The following PGM5 variants were observed in gnomAD, a reference collection of about 807,000 sequenced individuals.
The protein encoded by PGM5 is phosphoglucomutase 5.
A neutral mutation model predicts 59.2 loss-of-function variants in PGM5; 23 were observed. The ratio of observed to expected loss-of-function variants is 0.39; its 90% CI spans 0.28 to 0.55. The LOEUF is 0.55. PGM5 is among the 20% of genes least tolerant of loss of function. PGM5 has a pLI of 0.66. For synonymous variants in PGM5, 214 were observed against 286.0 expected (o/e 0.75, Z 2.54); for missense variants, 574 against 748.3 (o/e 0.77, Z 2.72).
intron 2 of PGM5, among the ~76,000 whole-genome samples, chr9:68,381,640 G>GCACA (rs4014841): frequency 0.096 from 13,921 of 145,182 alleles, 662 homozygotes; most frequent in Middle Eastern, 0.2. Flanking sequence ...TTCTACACAT[G>GCACA]CACACACACA....
chr9:68,432,630 G>A (rs55668809), intron 6 of PGM5, among the ~76,000 whole-genome samples: 32,820 of 150,238 alleles, frequency 0.22, 3,916 homozygotes, highest in Middle Eastern at 0.29. Context: ...TTTTGAGACA[G>A]TATCTCACTC....
intron 9 of PGM5, among the ~76,000 whole-genome samples, chr9:68,488,080 A>T (rs935955251): frequency 3.9e-5 from 6 of 152,210 alleles, no homozygotes; most frequent in South Asian, 2.1e-4. Context: ...TTTATGTTTT[A>T]AAAAAAGCAT....
At chr9:68,433,713 C>G (rs78504597) in intron 6 of PGM5, among the ~76,000 whole-genome samples, 1 of 152,132 alleles carries the variant, frequency 6.6e-6, no homozygotes, top group African/African-American at 2.4e-5. Flanking sequence ...TAATCAAGTT[C>G]CAAGTCAGAT....
chr9:68,479,498 G>A lies in PGM5; in HGVS notation c.1240G>A (p.Val414Met), dbSNP rs782590911. 1 of 1,614,104 alleles carries A rather than the reference G, an allele frequency of 6.2e-7. No homozygotes were observed. The highest frequency in any genetic ancestry group is 8.5e-7 in the Non-Finnish European group (1 of 1,179,994). ...CATTATTGCTGCCCGGAAGCAGAGT[G>A]TGGAGGAAATTGTCCGAGATCACTG... Reference protein sequence around the residue: ...LSIIAARKQSVEEIVRDHWAK... With the variant: ...LSIIAARKQSMEEIVRDHWAK... Residue 414 changes from valine to methionine, a missense_variant, in exon 8 of 11, where the codon GTG (valine) becomes ATG (methionine). Physicochemically the swap from Val to Met is conservative, Grantham distance 21. Transcript: ENST00000396396.
At chr9:68,445,658 C>CTTGTGAGT (rs1554683962) in intron 6 of PGM5, among the ~76,000 whole-genome samples, 4 of 152,206 alleles carry the variant, frequency 2.6e-5, no homozygotes, top group African/African-American at 9.6e-5. Context: ...CTGTGAGTAC[C>CTTGTGAGT]TTGTGAGTTT....
chr9:68,511,885 C>A (rs1437984249), intron 10 of PGM5, among the ~76,000 whole-genome samples: 3 of 152,072 alleles, frequency 2.0e-5, no homozygotes, highest in Non-Finnish European at 4.4e-5. Flanking sequence ...TCTCAGAGAC[C>A]AAACTGGATC....
chr9:68,442,938 T>C (rs1823551631), intron 6 of PGM5, among the ~76,000 whole-genome samples: 1 of 152,188 alleles, frequency 6.6e-6, no homozygotes, highest in African/African-American at 2.4e-5. Flanking sequence ...TCTAGAGCTG[T>C]CATATAGTAC....
chr9:68,482,987 C>CA (rs1157586897), intron 8 of PGM5, among the ~76,000 whole-genome samples: 1 of 152,182 alleles, frequency 6.6e-6, no homozygotes, highest in Non-Finnish European at 1.5e-5. Flanking sequence ...TTGAATGGAA[C>CA]AATTGTGATA....
At chr9:68,382,394 A>C (rs1285982935) in intron 2 of PGM5, among the ~76,000 whole-genome samples, 2 of 151,836 alleles carry the variant, frequency 1.3e-5, no homozygotes, top group African/African-American at 2.4e-5. Flanking sequence ...TAAGATCTGA[A>C]ACCATAAAAA....
chr9:68,499,930 A>G (rs996724475), intron 10 of PGM5, among the ~76,000 whole-genome samples: 1 of 152,218 alleles, frequency 6.6e-6, no homozygotes, highest in Non-Finnish European at 1.5e-5. Context: ...AAGAACTCAG[A>G]AAAATCATAA....
At position 68,466,279 on chromosome 9, in the gene PGM5, T is replaced by A. The variant is rs868981352; in HGVS notation, c.1159+1071T>A. The A allele has an allele frequency of 3.5e-4, 346 of 991,222 alleles. 2 individuals carry two copies. In the African/African-American group the frequency reaches 5.4e-3, roughly 16 times the overall value. The allele number at this position is 991,222 out of a possible 1,614,324, so 61.4% of individuals were successfully genotyped here. A position where few individuals can be genotyped will look rare whatever the true frequency, so the allele number is the denominator to read the frequency against. On this transcript the variant is annotated intron_variant, in intron 7 of 10. Coordinates refer to ENST00000396396, the MANE Select transcript of PGM5 (RefSeq NM_021965.4). ...TTCTCCGATACTGTGTGTTTTTTTTTTTTTTTTAGCATTTCTCTTTGACTC... is the reference window on the plus strand; with the variant it reads ...TTCTCCGATACTGTGTGTTTTTTTTATTTTTTTAGCATTTCTCTTTGACTC...
chr9:68,406,405 G>A (rs1554681131), intron 6 of PGM5: 1 of 149,830 alleles, frequency 6.7e-6, no homozygotes, highest in Admixed American at 6.7e-5. Flanking sequence ...GGGGGTGAGG[G>A]GGCTGAGCAT....
intron 9 of PGM5, among the ~76,000 whole-genome samples, chr9:68,484,832 C>T (rs1472872576): frequency 6.6e-6 from 1 of 152,124 alleles, no homozygotes; most frequent in Non-Finnish European, 1.5e-5. Context: ...ATTGTAAAGT[C>T]AGGAGCTCAG....
chr9:68,421,407 A>C (rs976172490), intron 6 of PGM5, among the ~76,000 whole-genome samples: 4 of 151,994 alleles, frequency 2.6e-5, no homozygotes, highest in African/African-American at 9.7e-5. Context: ...CTCCATATTA[A>C]ATTCCTTCTG....
In PGM5 at chr9:68,483,904, T is replaced by C; in HGVS notation, c.1335T>C (p.Tyr445=). Residue 445 remains tyrosine, a synonymous_variant, in exon 9 of 11, where the codon TAT becomes TAC. Coordinates refer to ENST00000396396, the MANE Select transcript of PGM5 (RefSeq NM_021965.4). The part of the protein sequence containing the change: ...YEGLDPKTTY[Y]IMRDLEALVT... Reference sequence around the variant, plus strand: ...GGTTGGATCCCAAGACGACATATTATATCATGAGGGACCTGGAGGCCCTGG... The same window carrying C: ...GGTTGGATCCCAAGACGACATATTACATCATGAGGGACCTGGAGGCCCTGG... 6.2e-7 allele frequency: 1 copy of C among 1,614,144 alleles called. No homozygotes were observed. Among genetic ancestry groups the C allele is most frequent in the Non-Finnish European group, 8.5e-7 (1 of 1,179,990 alleles).
intron 1 of PGM5, among the ~76,000 whole-genome samples, chr9:68,358,176 C>T (rs1287536544): frequency 9.9e-5 from 15 of 152,258 alleles, no homozygotes; most frequent in African/African-American, 3.4e-4. Context: ...TAATGCAATT[C>T]CCAACTTCTC....
At chr9:68,364,686 T>C (rs1160245374) in intron 1 of PGM5, among the ~76,000 whole-genome samples, 69 of 152,158 alleles carry the variant, frequency 4.5e-4, no homozygotes, top group Non-Finnish European at 8.5e-4. Flanking sequence ...ATCTATTATG[T>C]GAGCAATAGC....
chr9:68,393,862 A>T (rs1405300792), intron 6 of PGM5: 3 of 152,166 alleles, frequency 2.0e-5, no homozygotes, highest in Non-Finnish European at 4.4e-5. Flanking sequence ...AAACAATACA[A>T]ATGTCCATCA....
chr9:68,432,464 G>A (rs1823369633), intron 6 of PGM5, among the ~76,000 whole-genome samples: 1 of 152,008 alleles, frequency 6.6e-6, no homozygotes. Context: ...GCCTCTGAAA[G>A]TGGTGAGATT....
Sources: gnomAD v4.1 joint callset for allele counts (sites outside exome capture counted in the v4.1 genomes callset) on GRCh38, gnomAD v4.1.1 for gene constraint, MANE v1.5 for transcripts, NCBI Gene and HGNC (gene_info 2026-07-23, HGNC 2026-07-21) for gene names.